SLC30A8: variants seen among roughly 807,000 people sequenced by gnomAD.
SLC30A8 encodes solute carrier family 30 member 8.
In SLC30A8, 27 loss-of-function variants were observed where a neutral mutation model predicts 36.9. The observed-to-expected ratio is 0.73, with a 90% CI of 0.54 to 1.01. SLC30A8 has a LOEUF of 1.01. Among genes scored for constraint, SLC30A8 ranks in the 50% least tolerant of loss-of-function variants. The pLI is 0.00. For synonymous variants in SLC30A8, 164 were observed against 172.4 expected, an observed-to-expected ratio of 0.95 and a Z score of 0.38; for missense variants, 439 against 452.0, an observed-to-expected ratio of 0.97 and a Z score of 0.26.
intron 2 of SLC30A8, among the ~76,000 whole-genome samples, chr8:117,053,356 A>G (rs1817769267): frequency 6.6e-6 from 1 of 152,098 alleles, no homozygotes; most frequent in Non-Finnish European, 1.5e-5. Flanking sequence ...CCGTTCAGAG[A>G]ATCATGTCTG....
chr8:117,146,869 C>T (rs1000322119), intron 1 of SLC30A8, 85 bp from the exon 2 acceptor site: 4 of 1,575,488 alleles, frequency 2.5e-6, no homozygotes, highest in African/African-American at 1.3e-5. Context: ...GTCCTAATAG[C>T]GGTTCCAAGT....
intron 1 of SLC30A8, among the ~76,000 whole-genome samples, chr8:116,963,895 C>T (rs557125667): frequency 6.6e-6 from 1 of 152,178 alleles, no homozygotes; most frequent in Non-Finnish European, 1.5e-5. Context: ...AAAGTATTTC[C>T]TTCAAGGTTA....
intron 1 of SLC30A8, among the ~76,000 whole-genome samples, chr8:116,971,339 G>A (rs1352048608): frequency 6.6e-6 from 1 of 151,836 alleles, no homozygotes; most frequent in South Asian, 2.1e-4. Flanking sequence ...CTAAATTAAA[G>A]TAGCTGTGGT....
At chr8:116,971,771 A>G (rs961644446) in intron 1 of SLC30A8, among the ~76,000 whole-genome samples, 12 of 152,156 alleles carry the variant, frequency 7.9e-5, no homozygotes, top group South Asian at 2.1e-4. Flanking sequence ...CAAATAGGCA[A>G]TTTCCTAAAT....
chr8:117,171,699 C>T (rs1411362329), intron 7 of SLC30A8, among the ~76,000 whole-genome samples: 1 of 152,120 alleles, frequency 6.6e-6, no homozygotes, highest in Non-Finnish European at 1.5e-5. Context: ...TCTTATAATA[C>T]TAGGTTTATA....
intron 1 of SLC30A8, among the ~76,000 whole-genome samples, chr8:117,036,527 G>A (rs531216561): frequency 3.9e-5 from 6 of 152,248 alleles, no homozygotes; most frequent in South Asian, 2.1e-4. Context: ...CTCACGGTTC[G>A]ACATGGCTGG....
intron 3 of SLC30A8, among the ~76,000 whole-genome samples, chr8:117,155,042 A>G (rs972286700): frequency 2.0e-5 from 3 of 152,180 alleles, no homozygotes; most frequent in East Asian, 3.9e-4. Context: ...CAGCACCTCT[A>G]TAGATACAGA....
At chr8:117,054,583 C>A (rs1817810324) in intron 2 of SLC30A8, among the ~76,000 whole-genome samples, 1 of 152,020 alleles carries the variant, frequency 6.6e-6, no homozygotes, top group African/African-American at 2.4e-5. Flanking sequence ...TAGCACTGAA[C>A]AAGTTTCTAG....
At chr8:117,142,577 T>C (rs1470042849) in intron 1 of SLC30A8, among the ~76,000 whole-genome samples, 1 of 152,158 alleles carries the variant, frequency 6.6e-6, no homozygotes, top group East Asian at 1.9e-4. Flanking sequence ...TTTCTTTCTG[T>C]TCAAGACAAG....
chr8:117,053,731 A>G (rs904780400), intron 2 of SLC30A8, among the ~76,000 whole-genome samples: 1 of 152,240 alleles, frequency 6.6e-6, no homozygotes, highest in Non-Finnish European at 1.5e-5. Context: ...CAATGCATGC[A>G]TAGTGCTGCA....
intron 6 of SLC30A8, among the ~76,000 whole-genome samples, chr8:117,166,277 A>C (rs1420840361): frequency 6.6e-6 from 1 of 152,174 alleles, no homozygotes; most frequent in Non-Finnish European, 1.5e-5. Flanking sequence ...AACTGTTTAA[A>C]ATTTAAAAAT....
intron 3 of SLC30A8, among the ~76,000 whole-genome samples, chr8:117,156,998 G>T (rs1822524118): frequency 6.6e-6 from 1 of 152,136 alleles, no homozygotes; most frequent in African/African-American, 2.4e-5. Context: ...TGAATTAAAG[G>T]TCAGAGTGAG....
At chr8:117,168,945 T>C (rs1267184780) in intron 6 of SLC30A8, among the ~76,000 whole-genome samples, 1 of 152,176 alleles carries the variant, frequency 6.6e-6, no homozygotes, top group Non-Finnish European at 1.5e-5. Context: ...GTAACCTTAA[T>C]AACTAGCTTC....
rs115713002 is a variant in SLC30A8 at position 117,046,814 on chromosome 8, A to C, written c.-226+7556A>C. On this transcript the variant is annotated intron_variant, in intron 2 of 10. Coordinates refer to the SLC30A8 transcript ENST00000427715. ...CGGATTTCCTGCCTGCTCATAAATT[A>C]TGCCTTCCCATGACTTTAGCTTGCC... Among the ~76,000 whole-genome samples, 332 of 152,330 alleles carry C rather than the reference A, an allele frequency of 2.2e-3. 1 individual carries two copies. Among genetic ancestry groups the C allele is most frequent in the African/African-American group, 7.7e-3 (319 of 41,586 alleles).
intron 1 of SLC30A8, among the ~76,000 whole-genome samples, chr8:117,002,536 A>G (rs1157424625): frequency 6.6e-6 from 1 of 152,208 alleles, no homozygotes; most frequent in Non-Finnish European, 1.5e-5. Flanking sequence ...AAAAATTTCT[A>G]GAGTAAAAAT....
intron 1 of SLC30A8, among the ~76,000 whole-genome samples, chr8:116,969,493 A>G (rs1459201063): frequency 1.3e-5 from 2 of 152,178 alleles, no homozygotes; most frequent in Non-Finnish European, 2.9e-5. Flanking sequence ...GTAACTTCGT[A>G]TGTATTTATC....
At chr8:116,990,709 G>A (rs973861624) in intron 1 of SLC30A8, among the ~76,000 whole-genome samples, 9 of 152,156 alleles carry the variant, frequency 5.9e-5, no homozygotes, top group African/African-American at 2.2e-4. Context: ...TGAGTTAATA[G>A]CAATGCACCA....
intron 2 of SLC30A8, among the ~76,000 whole-genome samples, chr8:117,048,485 A>G (rs1817617502): frequency 6.6e-6 from 1 of 152,134 alleles, no homozygotes; most frequent in African/African-American, 2.4e-5. Flanking sequence ...AATTGTTCAA[A>G]AATGCATCTT....
At chr8:117,024,023 A>G (rs1816794825) in intron 1 of SLC30A8, among the ~76,000 whole-genome samples, 1 of 152,204 alleles carries the variant, frequency 6.6e-6, no homozygotes, top group Non-Finnish European at 1.5e-5. Context: ...GGCATAAGGT[A>G]AAAGCACAAC....
Sources: allele counts gnomAD v4.1 joint callset (sites outside exome capture counted in the v4.1 genomes callset), GRCh38; gene constraint gnomAD v4.1.1; transcripts MANE v1.5; gene names NCBI Gene and HGNC (gene_info 2026-07-23, HGNC 2026-07-21).